Variants in FAT1 observed in about 807,000 individuals in gnomAD.
FAT1 encodes the protein protocadherin Fat 1.
A neutral mutation model predicts 329.8 loss-of-function variants in FAT1; 171 were observed. That is an observed-to-expected ratio of 0.52 (90% CI 0.46 to 0.59). The LOEUF is 0.59. Ranked by LOEUF, FAT1 falls within the 20% of genes least tolerant of loss-of-function variation. FAT1 has a pLI of 0.00. For synonymous variants in FAT1, 2,233 were observed against 2,228.6 expected (o/e 1.00, Z -0.06); for missense variants, 5,672 against 5,774.4 (o/e 0.98, Z 0.57).
At position 186,640,845 on chromosome 4, in the gene FAT1, A is replaced by G. The variant is rs138020498; in HGVS notation, c.3581-1062T>C. Among the ~76,000 whole-genome samples the G allele has an allele frequency of 1.6e-3, 249 of 152,276 alleles. 1 individual carries two copies. The highest frequency in any genetic ancestry group is 5.1e-3 in the Admixed American group (78 of 15,286). The stretch of plus-strand genomic sequence containing the variant: ...CCTAAGCACTAAAATGTCGTCCCCA[A>G]TCTGTGTTGATGGTGAACAGGTGCA... On this transcript the variant is annotated intron_variant, in intron 3 of 26. Transcript: ENST00000441802.
chr4:186,725,727 A>G (rs1446786539), upstream of FAT1, among the ~76,000 whole-genome samples: 2 of 152,192 alleles, frequency 1.3e-5, no homozygotes, highest in East Asian at 3.9e-4. This position sits in a 1 kb window ranked among gnomAD's most constrained non-coding sequence, Gnocchi z 5.4. Flanking sequence ...CAAGTTCCAC[A>G]TTTGTCCTTT....
At chr4:186,691,102 T>C (rs778508269) in intron 2 of FAT1, among the ~76,000 whole-genome samples, 5 of 152,218 alleles carry the variant, frequency 3.3e-5, no homozygotes, top group Non-Finnish European at 7.3e-5. Context: ...TGGCAGAATT[T>C]GCACAATTTT....
At chr4:186,688,294 TTTCA>T (rs1743575140) in intron 2 of FAT1, among the ~76,000 whole-genome samples, 4 of 151,872 alleles carry the variant, frequency 2.6e-5, no homozygotes, top group African/African-American at 4.8e-5. Context: ...AATAATTTCC[TTTCA>T]TTATGTGTGA....
chr4:186,712,191 T>C (rs1420720386), intron 1 of FAT1, among the ~76,000 whole-genome samples: 1 of 152,244 alleles, frequency 6.6e-6, no homozygotes, highest in Admixed American at 6.5e-5. Flanking sequence ...TATTTATGTT[T>C]ATTTAAAAGA....
chr4:186,609,271 G>A lies in FAT1; in HGVS notation c.10118C>T (p.Ser3373Leu), dbSNP rs199995119. 4 of 1,614,038 alleles carry A rather than the reference G, an allele frequency of 2.5e-6. No homozygotes were observed. The East Asian group carries it at 8.9e-5, about 36-fold the overall frequency. The change falls in exon 16 of 27, where the codon TCA becomes TTA. Residue 3373 changes from serine (S) to leucine (L), a missense_variant. By Grantham distance (145) the Ser-to-Leu change is moderately radical. This residue lies in a region of FAT1 where 1,706 missense variants were observed against 1,859.1 expected (regional missense o/e 0.92). Transcript: ENST00000441802. ...GCTTCCTTGGTTGCCATCTATAATT[G>A]AGTAGTGGATGTGGCTGTTGGAAGG... ...DGPSNSHIHY[S>L]IIDGNQGSSF...
At chr4:186,705,526 G>A (rs1031033802) in intron 2 of FAT1, among the ~76,000 whole-genome samples, 11 of 152,084 alleles carry the variant, frequency 7.2e-5, no homozygotes, top group African/African-American at 1.4e-4. Context: ...ATTCTCAGAG[G>A]GCAGGACATG....
At chr4:186,623,539 T>C (rs900295908) in intron 9 of FAT1, among the ~76,000 whole-genome samples, 3 of 152,250 alleles carry the variant, frequency 2.0e-5, no homozygotes, top group Non-Finnish European at 2.9e-5. Flanking sequence ...TCTCTTATTG[T>C]ACAGGATAAT....
intron 1 of FAT1, among the ~76,000 whole-genome samples, chr4:186,712,362 G>GTT (rs34963612): frequency 6.6e-6 from 1 of 151,464 alleles, no homozygotes. Context: ...CTCTACTGTG[G>GTT]TTTTTTTTTA....
intron 3 of FAT1, among the ~76,000 whole-genome samples, chr4:186,641,400 T>C (rs1160505141): frequency 1.3e-5 from 2 of 152,186 alleles, no homozygotes; most frequent in Non-Finnish European, 2.9e-5. Context: ...ATCTCTTTTT[T>C]TCCCCAATCA....
chr4:186,588,563 A>G lies in FAT1; in HGVS notation c.*29T>C. 6.3e-7 allele frequency: 1 copy of G among 1,589,246 alleles called. No homozygotes were observed. Among genetic ancestry groups the G allele is most frequent in the Middle Eastern group, 2.1e-4 (1 of 4,760 alleles). ...ACTCACATCACCTCTAGGTTCACTA[A>G]AGTCAGGCACTTTGGGGGGAGTTGA... On this transcript the variant is annotated 3_prime_UTR_variant, in exon 27 of 27. Coordinates refer to ENST00000441802, the MANE Select transcript of FAT1 (RefSeq NM_005245.4).
intron 2 of FAT1, among the ~76,000 whole-genome samples, chr4:186,695,313 T>A (rs1035070094): frequency 1.3e-5 from 2 of 152,220 alleles, no homozygotes; most frequent in Admixed American, 1.3e-4. Flanking sequence ...TATATTCACC[T>A]GGAAGGCCAG....
In FAT1 at chr4:186,603,605, G is replaced by A. The variant is rs1351067279; in HGVS notation, c.10921C>T (p.His3641Tyr). 1 of 1,613,862 alleles carries A rather than the reference G, an allele frequency of 6.2e-7. No individual in the cohort carries two copies. The highest frequency in any genetic ancestry group is 1.3e-5 in the African/African-American group (1 of 74,894). Residue 3641 changes from histidine (H) to tyrosine (Y), a missense_variant, in exon 19 of 27, where the codon CAC becomes TAC. By Grantham distance (83) the His-to-Tyr change is moderately conservative. Around this residue, in one of 2 missense-constraint regions of FAT1, gnomAD observed 1,706 missense variants for 1,859.1 expected, o/e 0.92. Coordinates refer to ENST00000441802, the MANE Select transcript of FAT1 (RefSeq NM_005245.4). ...TTGGCAAAGCGGATCGCGATGGTGT[G>A]GTTCAACATCTCCTGTGTGACTTGT... Reference protein sequence around the residue: ...IRQVTQEMLNHTIAIRFANLT... With the variant: ...IRQVTQEMLNYTIAIRFANLT...
intron 1 of FAT1, among the ~76,000 whole-genome samples, chr4:186,714,766 G>T (rs1337649317): frequency 1.3e-5 from 2 of 152,192 alleles, no homozygotes; most frequent in African/African-American, 4.8e-5. Flanking sequence ...TTAGAACTTG[G>T]AGTTCTATAT....
chr4:186,708,340 C>T lies in FAT1; in HGVS notation c.1488G>A (p.Gly496=), dbSNP rs1236379238. 6.2e-7 allele frequency: 1 copy of T among 1,613,890 alleles called. No homozygotes were observed. Among genetic ancestry groups the T allele is most frequent in the South Asian group, 1.1e-5 (1 of 91,076 alleles). ...SAVDPDEGEN[G]YVTYSIANLN... Reference sequence around the variant, plus strand: ...AATTTGCGATACTGTATGTCACGTACCCGTTCTCACCCTCATCAGGGTCTA... The same window carrying T: ...AATTTGCGATACTGTATGTCACGTATCCGTTCTCACCCTCATCAGGGTCTA... Residue 496 remains glycine (G), a synonymous_variant, in exon 2 of 27, where the codon GGG becomes GGA. Transcript: ENST00000441802.
chr4:186,621,398 A>C lies in FAT1; in HGVS notation c.5188T>G (p.Leu1730Val). 2 of 1,614,026 alleles carry C rather than the reference A, an allele frequency of 1.2e-6. No homozygotes were observed. The highest frequency in any genetic ancestry group is 1.7e-6 in the Non-Finnish European group (2 of 1,179,894). ...TGTATTATCAATGTGTAAATGGGCA[A>C]AGTTTCAAAGTCCAGGGCTTTCTGA... ...ITQKALDFETLPIYTLIIQGT... is the reference protein window; with the variant it reads ...ITQKALDFETVPIYTLIIQGT... The change falls in exon 10 of 27, where the codon TTG becomes GTG. Residue 1730 changes from leucine to valine, a missense_variant. This residue lies in a region of FAT1 where 3,966 missense variants were observed against 3,915.2 expected (regional missense o/e 1.01). Transcript: ENST00000441802.
At chr4:186,606,044 G>C (rs2126446722) in intron 17 of FAT1, 26 bp downstream of exon 17, 1 of 1,607,698 alleles carries the variant, frequency 6.2e-7, no homozygotes, top group South Asian at 1.1e-5. Context: ...AAGAACCCCA[G>C]GACCACCTTG....
At chr4:186,594,555 A>C (rs1483664301) in intron 26 of FAT1, among the ~76,000 whole-genome samples, 1 of 149,846 alleles carries the variant, frequency 6.7e-6, no homozygotes, top group Non-Finnish European at 1.5e-5. Flanking sequence ...TTAACAAGCA[A>C]AGCTATGTCC....
chr4:186,620,468 C>T lies in FAT1; in HGVS notation c.6118G>A (p.Asp2040Asn), dbSNP rs376146020. ...GVLSTTGTPF[D>N]REQQEAFDVV... ...TCAAACGCCTCCTGCTGCTCACGAT[C>T]GAAGGGCGTGCCAGTGGTTGACAGA... The change falls in exon 10 of 27, where the codon GAT (aspartate) becomes AAT (asparagine). Residue 2040 changes from aspartate (D) to asparagine (N), a missense_variant. Coordinates refer to ENST00000441802, the MANE Select transcript of FAT1 (RefSeq NM_005245.4). The T allele has an allele frequency of 2.1e-5, 34 of 1,613,860 alleles. No individual in the cohort carries two copies. Among genetic ancestry groups the T allele is most frequent in the South Asian group, 6.6e-5 (6 of 91,074 alleles).
At chr4:186,632,449 T>A (rs1367994227) in intron 7 of FAT1, among the ~76,000 whole-genome samples, 2 of 152,158 alleles carry the variant, frequency 1.3e-5, no homozygotes, top group Non-Finnish European at 2.9e-5. Context: ...TTATTCTCAT[T>A]TTTGTGCTCT....
Sources: gnomAD v4.1 joint callset for allele counts (sites outside exome capture counted in the v4.1 genomes callset) on GRCh38, gnomAD v4.1.1 for gene constraint, gnomAD v4.1.1 regional missense constraint, Gnocchi (gnomAD v3.1) non-coding constraint, MANE v1.5 for transcripts, NCBI Gene and HGNC (gene_info 2026-07-23, HGNC 2026-07-21) for gene names.